The following ZNF423 variants were observed in gnomAD, a reference collection of about 807,000 sequenced individuals.
ZNF423 encodes the protein Ebf-associated zinc finger protein.
Under a neutral mutation model 95.8 loss-of-function variants are expected in ZNF423, and 12 were observed. The ratio of observed to expected loss-of-function variants is 0.13; its 90% CI spans 0.08 to 0.20. The LOEUF (loss-of-function observed/expected upper bound fraction) is 0.20. ZNF423 is among the 10% of genes least tolerant of loss of function. The pLI, the probability that ZNF423 is intolerant of heterozygous loss-of-function variation, is 1.00. For missense variants in ZNF423, 1,316 were observed against 1,737.1 expected (o/e 0.76, Z 4.31); for synonymous variants, 749 against 711.9 (o/e 1.05, Z -0.83).
At chr16:49,676,976 G>A (rs2031077263) in intron 3 of ZNF423, among the ~76,000 whole-genome samples, 1 of 151,988 alleles carries the variant, frequency 6.6e-6, no homozygotes, top group Non-Finnish European at 1.5e-5. Flanking sequence ...CTAGCACTTT[G>A]GGAGGCCGAG....
chr16:49,692,802 A>G (rs2031835159), intron 3 of ZNF423, among the ~76,000 whole-genome samples: 1 of 152,268 alleles, frequency 6.6e-6, no homozygotes, highest in South Asian at 2.1e-4. Context: ...TCTGCAGAAG[A>G]CAATATTGTC....
At chr16:49,772,423 G>A (rs536609833) in intron 2 of ZNF423, among the ~76,000 whole-genome samples, 1 of 152,326 alleles carries the variant, frequency 6.6e-6, no homozygotes, top group South Asian at 2.1e-4. Flanking sequence ...TTCACCAGCT[G>A]TCTGGGCAGC....
At chr16:49,802,916 C>T (rs1361143016) in intron 1 of ZNF423, among the ~76,000 whole-genome samples, 1 of 152,168 alleles carries the variant, frequency 6.6e-6, no homozygotes, top group Non-Finnish European at 1.5e-5. Flanking sequence ...CTGTATTCCG[C>T]TTTTCTAACT....
rs547910679 is a variant in ZNF423 at position 49,570,066 on chromosome 16, G to A, written c.3602-44572C>T. Among the ~76,000 whole-genome samples, 4 of 152,206 alleles carry A rather than the reference G, an allele frequency of 2.6e-5. No homozygotes were observed. The East Asian group carries it at 5.8e-4, about 22-fold the overall frequency. On this transcript the variant is annotated intron_variant, in intron 5 of 7. Transcript: ENST00000563137. ...CTGCTCTGAGCTATGGACTATGGCTGTTAAACAAAATGAAATAGGAGAGTC... is the reference window on the plus strand; with the variant it reads ...CTGCTCTGAGCTATGGACTATGGCTATTAAACAAAATGAAATAGGAGAGTC...
chr16:49,724,911 C>G (rs972830484), intron 3 of ZNF423, among the ~76,000 whole-genome samples: 1 of 152,142 alleles, frequency 6.6e-6, no homozygotes, highest in African/African-American at 2.4e-5. Context: ...CAACAAAGTC[C>G]CCCCTCTTGT....
chr16:49,607,953 C>T (rs1270986370), intron 5 of ZNF423, among the ~76,000 whole-genome samples: 8 of 152,190 alleles, frequency 5.3e-5, no homozygotes, highest in African/African-American at 1.9e-4. Flanking sequence ...TCTGCCCCTC[C>T]CAACTCCCAT....
chr16:49,794,995 C>G (rs981685141), intron 1 of ZNF423, among the ~76,000 whole-genome samples: 1 of 152,182 alleles, frequency 6.6e-6, no homozygotes, highest in African/African-American at 2.4e-5. Context: ...CCTCAGCCTC[C>G]CGAGTAGCTG....
intron 1 of ZNF423, among the ~76,000 whole-genome samples, chr16:49,846,530 G>A (rs1597060566): frequency 6.6e-6 from 1 of 152,160 alleles, no homozygotes; most frequent in Non-Finnish European, 1.5e-5. Context: ...CTGGCCCCTG[G>A]CTGGCCAGCG....
At chr16:49,843,935 A>G (rs557257750) in intron 1 of ZNF423, among the ~76,000 whole-genome samples, 2 of 152,274 alleles carry the variant, frequency 1.3e-5, no homozygotes, top group East Asian at 3.9e-4. Flanking sequence ...GAGCCATGGC[A>G]ATGATGTAGC....
intron 1 of ZNF423, among the ~76,000 whole-genome samples, chr16:49,823,118 C>T (rs2034965335): frequency 6.6e-6 from 1 of 152,178 alleles, no homozygotes; most frequent in African/African-American, 2.4e-5. Context: ...TTAAGAAGCT[C>T]CAAGCTCTCA....
At chr16:49,821,734 C>T (rs547756718) in intron 1 of ZNF423, among the ~76,000 whole-genome samples, 1 of 152,306 alleles carries the variant, frequency 6.6e-6, no homozygotes, top group Non-Finnish European at 1.5e-5. Flanking sequence ...TTTTCCCTCC[C>T]CCGGTGTGTG....
intron 5 of ZNF423, among the ~76,000 whole-genome samples, chr16:49,534,604 G>C (rs11863477): frequency 0.013 from 1,963 of 152,214 alleles, 40 homozygotes; most frequent in African/African-American, 0.044. Flanking sequence ...GCTCAGGCCT[G>C]GTGACATGGC....
chr16:49,552,617 T>C (rs186597534), intron 5 of ZNF423, among the ~76,000 whole-genome samples: 3 of 152,016 alleles, frequency 2.0e-5, no homozygotes, highest in Non-Finnish European at 4.4e-5. Context: ...CAAAAATCAA[T>C]AGTAATGCCC....
At chr16:49,811,237 G>C (rs1032454471) in intron 1 of ZNF423, among the ~76,000 whole-genome samples, 5 of 152,220 alleles carry the variant, frequency 3.3e-5, no homozygotes, top group African/African-American at 1.2e-4. Flanking sequence ...GGGGAGGTCT[G>C]CTTGGGGGTA....
intron 7 of ZNF423, among the ~76,000 whole-genome samples, chr16:49,502,913 T>TAC (rs55819934): frequency 0.01 from 1,229 of 122,814 alleles, 10 homozygotes; most frequent in South Asian, 0.021. Context: ...TGTGCACGCA[T>TAC]ACACACACAC....
intron 5 of ZNF423, among the ~76,000 whole-genome samples, chr16:49,564,013 G>T (rs1055337703): frequency 6.6e-6 from 1 of 152,170 alleles, no homozygotes; most frequent in African/African-American, 2.4e-5. Context: ...ATACCAGCAG[G>T]CTCTTTGCCT....
intron 3 of ZNF423, among the ~76,000 whole-genome samples, chr16:49,698,258 C>T (rs1375635940): frequency 1.3e-5 from 2 of 151,896 alleles, no homozygotes; most frequent in African/African-American, 2.4e-5. Flanking sequence ...CCTTTGCTCC[C>T]GCCCCCCGAA....
intron 5 of ZNF423, among the ~76,000 whole-genome samples, chr16:49,545,876 C>T (rs1006217756): frequency 2.7e-4 from 41 of 152,316 alleles, no homozygotes; most frequent in South Asian, 8.3e-4. Flanking sequence ...AAAATCTCTA[C>T]GAGGAGGTCA....
intron 5 of ZNF423, among the ~76,000 whole-genome samples, chr16:49,569,510 C>T (rs1169414570): frequency 2.0e-5 from 3 of 152,208 alleles, no homozygotes; most frequent in Admixed American, 1.3e-4. Flanking sequence ...AACGTCCTGG[C>T]TGCCTATATG....
Sources: gnomAD v4.1 joint callset for allele counts (sites outside exome capture counted in the v4.1 genomes callset) on GRCh38, gnomAD v4.1.1 for gene constraint, MANE v1.5 for transcripts, NCBI Gene and HGNC (gene_info 2026-07-23, HGNC 2026-07-21) for gene names.